Variants in TRAPPC9 observed in about 807,000 individuals in gnomAD.
TRAPPC9 encodes the protein IKK2 binding protein.
Under a neutral mutation model 124.0 loss-of-function variants are expected in TRAPPC9, and 83 were observed. The ratio of observed to expected loss-of-function variants is 0.67; its 90% CI spans 0.56 to 0.80. The LOEUF is 0.80. Ranked by LOEUF, TRAPPC9 falls within the 30% of genes least tolerant of loss-of-function variation. TRAPPC9 has a pLI of 0.00. For missense variants in TRAPPC9, 1,302 were observed against 1,508.3 expected, an observed-to-expected ratio of 0.86 and a Z score of 2.27; for synonymous variants, 638 against 617.5, an observed-to-expected ratio of 1.03 and a Z score of -0.49.
At chr8:140,117,528 C>G (rs140315082) in intron 17 of TRAPPC9, among the ~76,000 whole-genome samples, 1 of 152,242 alleles carries the variant, frequency 6.6e-6, no homozygotes, top group African/African-American at 2.4e-5. Context: ...CCAAGAGAGC[C>G]CACTCCCCAA....
Position 140,021,837 on chromosome 8 carries a change from T to G in TRAPPC9, c.2699+2100A>C, listed in dbSNP as rs142138397. Among the ~76,000 whole-genome samples, 1,356 of 152,272 alleles carry G rather than the reference T, an allele frequency of 8.9e-3. 14 individuals carry two copies. Among genetic ancestry groups the G allele is most frequent in the Middle Eastern group, 0.034 (10 of 294 alleles). ...GAAAAATTTTACAAAAATGGTAACA[T>G]GGGTCAAGGTCAAACAGGTATTTTC... On this transcript the variant is annotated intron_variant, in intron 18 of 22. Transcript: ENST00000438773.
At chr8:140,151,942 G>A (rs1364847947) in intron 17 of TRAPPC9, among the ~76,000 whole-genome samples, 1 of 152,126 alleles carries the variant, frequency 6.6e-6, no homozygotes, top group East Asian at 1.9e-4. Context: ...ACACTGCTCT[G>A]GCATTCACTT....
chr8:140,386,322 C>CG (rs2068754759), intron 7 of TRAPPC9, among the ~76,000 whole-genome samples: 1 of 152,078 alleles, frequency 6.6e-6, no homozygotes, highest in Admixed American at 6.6e-5. Flanking sequence ...CCAGGGCAAA[C>CG]GGGCAGGAGA....
intron 19 of TRAPPC9, among the ~76,000 whole-genome samples, chr8:139,947,597 C>T (rs1049790248): frequency 6.6e-6 from 1 of 151,974 alleles, no homozygotes; most frequent in African/African-American, 2.4e-5. Context: ...AGGTGGCTCA[C>T]GCCTGTAATC....
chr8:140,187,927 G>A (rs1203670383), intron 17 of TRAPPC9, among the ~76,000 whole-genome samples: 1 of 152,160 alleles, frequency 6.6e-6, no homozygotes, highest in Non-Finnish European at 1.5e-5. Flanking sequence ...GCCTGCCTTG[G>A]CCTCCCAAAT....
intron 19 of TRAPPC9, among the ~76,000 whole-genome samples, chr8:139,912,511 T>C (rs544833085): frequency 1.3e-5 from 2 of 152,358 alleles, no homozygotes; most frequent in South Asian, 4.1e-4. Context: ...TCTCAGGAAC[T>C]GTTCCCAGAC....
intron 4 of TRAPPC9, among the ~76,000 whole-genome samples, chr8:140,431,909 C>CT (rs1170132227): frequency 6.6e-6 from 1 of 152,218 alleles, no homozygotes; most frequent in Admixed American, 6.5e-5. Flanking sequence ...TAAATCATGG[C>CT]TGACTGCCTT....
intron 6 of TRAPPC9, among the ~76,000 whole-genome samples, chr8:140,402,884 C>T (rs898838359): frequency 6.6e-6 from 1 of 151,572 alleles, no homozygotes; most frequent in African/African-American, 2.4e-5. Context: ...CATTGTGGTG[C>T]GACAATGAGG....
At chr8:140,049,928 T>C (rs987998487) in intron 17 of TRAPPC9, among the ~76,000 whole-genome samples, 1 of 152,218 alleles carries the variant, frequency 6.6e-6, no homozygotes, top group Non-Finnish European at 1.5e-5. Context: ...CCAAACTGGA[T>C]GGCCATTGAG....
chr8:140,338,117 C>T (rs895108386), intron 9 of TRAPPC9, among the ~76,000 whole-genome samples: 3 of 152,178 alleles, frequency 2.0e-5, no homozygotes, highest in African/African-American at 7.2e-5. Flanking sequence ...GAATTAAACT[C>T]AATGTCTTTT....
intron 21 of TRAPPC9, among the ~76,000 whole-genome samples, chr8:139,824,311 C>A (rs185073439): frequency 6.6e-6 from 1 of 152,126 alleles, no homozygotes; most frequent in Non-Finnish European, 1.5e-5. Flanking sequence ...CGATGCCAAG[C>A]GTGCTTCCTG....
intron 17 of TRAPPC9, among the ~76,000 whole-genome samples, chr8:140,115,927 C>A (rs754542715): frequency 6.6e-6 from 1 of 152,138 alleles, no homozygotes; most frequent in East Asian, 1.9e-4. Context: ...GACCACCTGG[C>A]GCACAACAGG....
At chr8:140,418,759 TAGATAGATAGATAGAC>T (rs752927211) in intron 5 of TRAPPC9, among the ~76,000 whole-genome samples, 22 of 150,464 alleles carry the variant, frequency 1.5e-4, no homozygotes, top group Admixed American at 8.0e-4. Flanking sequence ...GATAGATAGA[TAGATAGATAGATAGAC>T]AGACAGACAG....
chr8:139,884,386 T>A (rs1424364775), intron 21 of TRAPPC9, among the ~76,000 whole-genome samples: 1 of 152,092 alleles, frequency 6.6e-6, no homozygotes, highest in East Asian at 1.9e-4. Context: ...CTGCCGACCC[T>A]CAGACAGAAG....
chr8:140,275,595 G>A (rs928817181), intron 15 of TRAPPC9, 63 bp downstream of exon 15: 63 of 1,534,996 alleles, frequency 4.1e-5, no homozygotes, highest in Non-Finnish European at 5.3e-5. Flanking sequence ...AGAATTTAAA[G>A]TATCTCTTCT....
rs201931111 is a variant in TRAPPC9, at chr8:140,370,140, G to T, written c.1351+824C>A. ...ACCCCTCAAAAATGTTTTTTTTTTT[G>T]TTTTTTTGGGTTTTTTTTAGATAAG... is the stretch of plus-strand genomic sequence containing the variant. On this transcript the variant is annotated intron_variant, in intron 8 of 22. Transcript: ENST00000438773. 7.6e-3 allele frequency among the ~76,000 whole-genome samples: 1,073 copies of T among 140,960 alleles called. 11 individuals carry two copies. Among genetic ancestry groups the T allele is most frequent in the African/African-American group, 0.027 (1,012 of 37,784 alleles). The allele number at this position is 140,960 out of a possible 152,430, so 92.5% of individuals were successfully genotyped here.
chr8:140,375,253 G>A (rs552225709), intron 7 of TRAPPC9, among the ~76,000 whole-genome samples: 16 of 152,268 alleles, frequency 1.1e-4, no homozygotes, highest in Admixed American at 6.5e-4. Flanking sequence ...GCACATCTTT[G>A]TTCTAATCTT....
chr8:140,120,310 G>C (rs1475583850), intron 17 of TRAPPC9, among the ~76,000 whole-genome samples: 1 of 152,232 alleles, frequency 6.6e-6, no homozygotes, highest in Non-Finnish European at 1.5e-5. Context: ...GCACCAAGCT[G>C]AAATGATGAA....
At chr8:140,416,906 A>G (rs1248209748) in intron 5 of TRAPPC9, among the ~76,000 whole-genome samples, 3 of 152,250 alleles carry the variant, frequency 2.0e-5, no homozygotes, top group African/African-American at 2.4e-5. Context: ...GGCCTCAGAA[A>G]TAACGCCACA....
Sources: allele counts gnomAD v4.1 joint callset (sites outside exome capture counted in the v4.1 genomes callset), GRCh38; gene constraint gnomAD v4.1.1; transcripts MANE v1.5; gene names NCBI Gene and HGNC (gene_info 2026-07-23, HGNC 2026-07-21).